TIAM1: variants seen among roughly 807,000 people sequenced by gnomAD.
TIAM1 encodes the protein rho guanine nucleotide exchange factor TIAM1.
In TIAM1, 65 loss-of-function variants were observed where a neutral mutation model predicts 163.5. The observed-to-expected ratio is 0.40, with a 90% CI of 0.33 to 0.49. TIAM1 has a LOEUF of 0.49. Among genes scored for constraint, TIAM1 ranks in the 20% least tolerant of loss-of-function variants. The pLI, the probability that TIAM1 is intolerant of heterozygous loss-of-function variation, is 0.77. For synonymous variants in TIAM1, 833 were observed against 810.1 expected (o/e 1.03, Z -0.48); for missense variants, 1,789 against 2,044.7 (o/e 0.87, Z 2.41).
chr21:31,498,134 G>A (rs990692149), intron 1 of TIAM1, among the ~76,000 whole-genome samples: 1 of 152,214 alleles, frequency 6.6e-6, no homozygotes, highest in African/African-American at 2.4e-5. Flanking sequence ...TTCAGTGGCA[G>A]CCTCCCTCCC....
intron 1 of TIAM1, among the ~76,000 whole-genome samples, chr21:31,475,302 C>A (rs1290967948): frequency 6.6e-6 from 1 of 152,016 alleles, no homozygotes; most frequent in African/African-American, 2.4e-5. Context: ...GATCCACCCT[C>A]CTCAGCCTCC....
intron 16 of TIAM1, chr21:31,160,458 C>T (rs1314175897): frequency 2.5e-6 from 1 of 398,582 alleles, no homozygotes; most frequent in African/African-American, 2.1e-5. Flanking sequence ...ATGAAGTGTT[C>T]GATACATAGA....
At position 31,182,590 on chromosome 21, in the gene TIAM1, C is replaced by A. The variant is rs2146441557; in HGVS notation, c.2718G>T (p.Leu906=). ...GGAAATCTTTGAGCATAGAAGAGTT[C>A]AGGGCGTCAGCAGCACGATTATTGA... ...LEINNRAADA[L]NSSMLKDFLS... The change falls in exon 15 of 28, where the codon CTG becomes CTT. Residue 906 remains leucine (L), a synonymous_variant. Transcript: ENST00000541036. 6.2e-7 allele frequency: 1 copy of A among 1,614,068 alleles called. No homozygotes were observed. The highest frequency in any genetic ancestry group is 1.1e-5 in the South Asian group (1 of 91,034).
intron 3 of TIAM1, among the ~76,000 whole-genome samples, chr21:31,271,685 G>C (rs933017401): frequency 8.5e-6 from 1 of 117,876 alleles, no homozygotes; most frequent in Non-Finnish European, 1.7e-5. Flanking sequence ...CAGGAATGAG[G>C]TTAAGAGTTG....
intron 15 of TIAM1, among the ~76,000 whole-genome samples, chr21:31,175,183 T>C (rs928872757): frequency 6.6e-6 from 1 of 152,144 alleles, no homozygotes; most frequent in East Asian, 1.9e-4. Flanking sequence ...GCTCAAGTAA[T>C]CCTCCCGCCT....
intron 2 of TIAM1, among the ~76,000 whole-genome samples, chr21:31,430,130 CG>C (rs1316554746): frequency 6.6e-6 from 1 of 150,838 alleles, no homozygotes; most frequent in African/African-American, 2.4e-5. Context: ...CGCTTGAACC[CG>C]GGAGATGGAG....
Position 31,165,152 on chromosome 21 carries a change from C to T in TIAM1, c.2888-87G>A, listed in dbSNP as rs13340019. 9,679 of 1,185,940 alleles carry T rather than the reference C, an allele frequency of 8.2e-3. 549 individuals are homozygous for T. The African/African-American group carries it at 0.12, about 15-fold the overall frequency. The allele number at this position is 1,185,940 out of a possible 1,614,324, so 73.5% of individuals were successfully genotyped here. Reference sequence around the variant, plus strand: ...CCTGTGTGAGGGGGACAAGGAATCTCGCTCATGACATGTACATATACTGTA... The same window carrying T: ...CCTGTGTGAGGGGGACAAGGAATCTTGCTCATGACATGTACATATACTGTA... On this transcript the variant is annotated intron_variant, in intron 15 of 27. Transcript: ENST00000541036.
intron 5 of TIAM1, 79 bp downstream of exon 5, chr21:31,251,663 A>C: frequency 1.4e-6 from 2 of 1,414,526 alleles, no homozygotes; most frequent in African/African-American, 1.4e-5. Context: ...CAACAAACCC[A>C]CCCATCCCGT....
chr21:31,487,713 GC>G (rs1217666805), intron 1 of TIAM1, among the ~76,000 whole-genome samples: 2 of 151,450 alleles, frequency 1.3e-5, no homozygotes, highest in Admixed American at 1.3e-4. Flanking sequence ...GCCCGCCACC[GC>G]GCCCGGCTAA....
intron 25 of TIAM1, among the ~76,000 whole-genome samples, chr21:31,127,473 C>A (rs111666410): frequency 6.7e-6 from 1 of 149,532 alleles, no homozygotes; most frequent in Admixed American, 6.7e-5. Flanking sequence ...GGCCGGAGTG[C>A]GGTGGTGTGA....
chr21:31,380,543 C>T (rs1208890158), intron 2 of TIAM1, among the ~76,000 whole-genome samples: 1 of 150,756 alleles, frequency 6.6e-6, no homozygotes, highest in African/African-American at 2.4e-5. Context: ...AATTCCATCT[C>T]AAAAAAATAA....
intron 1 of TIAM1, among the ~76,000 whole-genome samples, chr21:31,553,528 G>A (rs1048225387): frequency 1.3e-5 from 2 of 152,156 alleles, no homozygotes; most frequent in Admixed American, 6.6e-5. Flanking sequence ...GAGTGGGAAC[G>A]AGCTCATGAG....
At chr21:31,463,853 G>A (rs2045425219) in intron 2 of TIAM1, 2 of 148,278 alleles carry the variant, frequency 1.3e-5, no homozygotes, top group South Asian at 4.2e-4. Flanking sequence ...TCAACAAACA[G>A]CAGGCACAGA....
rs1047186476 is a variant in TIAM1 at position 31,154,229 on chromosome 21, G to A, written c.3171+18C>T. The A allele has an allele frequency of 6.2e-7, 1 of 1,610,718 alleles. No individual in the cohort carries two copies. Among genetic ancestry groups the A allele is most frequent in the Non-Finnish European group, 8.5e-7 (1 of 1,177,678 alleles). On this transcript the variant is annotated intron_variant, in intron 17 of 27. Coordinates refer to ENST00000541036, the MANE Select transcript of TIAM1 (RefSeq NM_001353694.2). ...TTACGAGGCAGAGGGAGGGCAGGGG[G>A]AGAAAAAAGAAACATACCTTCACGT...
chr21:31,337,171 T>A (rs1449089226), intron 2 of TIAM1, among the ~76,000 whole-genome samples: 1 of 152,140 alleles, frequency 6.6e-6, no homozygotes, highest in Non-Finnish European at 1.5e-5. Context: ...GGAAGTGTTT[T>A]CAGAGAAAAC....
intron 1 of TIAM1, among the ~76,000 whole-genome samples, chr21:31,468,541 C>A (rs1304050794): frequency 1.3e-5 from 2 of 151,040 alleles, no homozygotes; most frequent in Non-Finnish European, 2.9e-5. Flanking sequence ...CTTTGGGAGA[C>A]CAAAGCGGGC....
At chr21:31,473,575 G>T (rs1283608712) in intron 1 of TIAM1, among the ~76,000 whole-genome samples, 3 of 150,820 alleles carry the variant, frequency 2.0e-5, no homozygotes, top group African/African-American at 7.3e-5. Flanking sequence ...TTGGCTTCTT[G>T]GTGGCCCCTG....
intron 2 of TIAM1, among the ~76,000 whole-genome samples, chr21:31,290,486 A>T (rs567501621): frequency 5.9e-5 from 9 of 151,894 alleles, no homozygotes; most frequent in Middle Eastern, 3.4e-3. Context: ...AAAAGAAAAA[A>T]ATATATAAAA....
chr21:31,523,189 G>A (rs1016684395), intron 1 of TIAM1, among the ~76,000 whole-genome samples: 2 of 152,122 alleles, frequency 1.3e-5, no homozygotes, highest in African/African-American at 4.8e-5. Context: ...ATTACAAACG[G>A]TATCAAAGTA....
Sources: allele counts gnomAD v4.1 joint callset (sites outside exome capture counted in the v4.1 genomes callset), GRCh38; gene constraint gnomAD v4.1.1; transcripts MANE v1.5; gene names NCBI Gene and HGNC (gene_info 2026-07-23, HGNC 2026-07-21).